Variants in TRAPPC9 observed in about 807,000 individuals in gnomAD.
TRAPPC9 encodes the protein trafficking protein particle complex subunit 9.
Under a neutral mutation model 124.0 loss-of-function variants are expected in TRAPPC9, and 83 were observed. The ratio of observed to expected loss-of-function variants is 0.67; its 90% CI spans 0.56 to 0.80. TRAPPC9 has a LOEUF of 0.80. Ranked by LOEUF, TRAPPC9 falls within the 30% of genes least tolerant of loss-of-function variation. The pLI is 0.00. For synonymous variants in TRAPPC9, 638 were observed against 617.5 expected (o/e 1.03, Z -0.49); for missense variants, 1,302 against 1,508.3 (o/e 0.86, Z 2.27).
intron 17 of TRAPPC9, among the ~76,000 whole-genome samples, chr8:140,071,463 G>A (rs1285772883): frequency 3.3e-5 from 5 of 152,318 alleles, no homozygotes; most frequent in South Asian, 2.1e-4. Flanking sequence ...GAGGAAACAC[G>A]GGCTCAAGCG....
chr8:140,266,630 G>T (rs1008963381), intron 15 of TRAPPC9, among the ~76,000 whole-genome samples: 1 of 152,022 alleles, frequency 6.6e-6, no homozygotes, highest in Non-Finnish European at 1.5e-5. Flanking sequence ...AGGCCAAGGC[G>T]GGTGGATTAC....
At chr8:140,339,805 G>A (rs150298242) in intron 9 of TRAPPC9, among the ~76,000 whole-genome samples, 1,847 of 152,208 alleles carry the variant, frequency 0.012, 34 homozygotes, top group African/African-American at 0.042. Context: ...CATCACTGAA[G>A]TCACACTTAG....
intron 2 of TRAPPC9, among the ~76,000 whole-genome samples, chr8:140,443,409 G>A (rs545687029): frequency 2.7e-5 from 4 of 150,566 alleles, no homozygotes; most frequent in African/African-American, 4.9e-5. Flanking sequence ...GCACTCCAGC[G>A]TGGGCGACAG....
chr8:139,794,398 G>A (rs991777727), intron 21 of TRAPPC9, among the ~76,000 whole-genome samples: 1 of 152,178 alleles, frequency 6.6e-6, no homozygotes, highest in South Asian at 2.1e-4. Context: ...TCCAGATGTC[G>A]CTGTCCATAG....
At chr8:140,449,966 TAAGA>T (rs1210712303) in intron 2 of TRAPPC9, among the ~76,000 whole-genome samples, 2 of 152,206 alleles carry the variant, frequency 1.3e-5, no homozygotes, top group Non-Finnish European at 2.9e-5. Flanking sequence ...TTTTTAAAAG[TAAGA>T]ATGAAACAGT....
intron 21 of TRAPPC9, among the ~76,000 whole-genome samples, chr8:139,746,184 C>T (rs993504927): frequency 6.6e-6 from 1 of 152,194 alleles, no homozygotes; most frequent in African/African-American, 2.4e-5. Flanking sequence ...CTGCCCCCTC[C>T]GTGAGGCAGT....
chr8:140,283,850 C>G, intron 14 of TRAPPC9, 39 bp downstream of exon 14: 3 of 1,613,356 alleles, frequency 1.9e-6, no homozygotes, highest in Non-Finnish European at 2.5e-6. Flanking sequence ...AAAATGATGC[C>G]TCAGAGCCAC....
chr8:140,388,956 C>CTT (rs1244741598), intron 7 of TRAPPC9, among the ~76,000 whole-genome samples: 13 of 125,362 alleles, frequency 1.0e-4, no homozygotes, highest in Admixed American at 2.5e-4. Flanking sequence ...CAAACACTGT[C>CTT]TTTTTTTTTT....
Position 139,992,348 on chromosome 8 carries a change from T to C in TRAPPC9, c.2700-3512A>G, listed in dbSNP as rs543455913. 1.1e-3 allele frequency among the ~76,000 whole-genome samples: 165 copies of C among 152,242 alleles called. 4 individuals are homozygous for C. The Middle Eastern group carries it at 0.034, about 31-fold the overall frequency. On this transcript the variant is annotated intron_variant, in intron 18 of 22. Coordinates refer to ENST00000438773, the MANE Select transcript of TRAPPC9 (RefSeq NM_001160372.4). Reference sequence around the variant, plus strand: ...GTGTTTCAAATTTTGTTTTTAGATTTTGGAATACCTGCATTATACTCACCA... The same window carrying C: ...GTGTTTCAAATTTTGTTTTTAGATTCTGGAATACCTGCATTATACTCACCA...
At position 139,825,440 on chromosome 8, in the gene TRAPPC9, T is replaced by TC. The variant is rs1472082324; in HGVS notation, c.3055+60438dup. 1.3e-5 allele frequency among the ~76,000 whole-genome samples: 2 copies of TC among 152,094 alleles called. No homozygotes were observed. Among genetic ancestry groups the TC allele is most frequent in the Non-Finnish European group, 1.5e-5 (1 of 68,002 alleles). On this transcript the variant is annotated intron_variant, in intron 21 of 22. Transcript: ENST00000438773. The surrounding 1 kb of genome is among the most constrained non-coding windows in gnomAD (Gnocchi z 4.6). ...ACGGGCTGTGGGCCCAGGAAGTGCT[T>TC]CCCGGGCGCCGGATGGATGGGCACC...
At chr8:139,798,963 G>A (rs1394053986) in intron 21 of TRAPPC9, among the ~76,000 whole-genome samples, 1 of 152,078 alleles carries the variant, frequency 6.6e-6, no homozygotes, top group Non-Finnish European at 1.5e-5. Context: ...GGAATTCCTT[G>A]GTTTGTAACC....
intron 21 of TRAPPC9, among the ~76,000 whole-genome samples, chr8:139,780,189 T>A (rs1245323959): frequency 8.5e-5 from 13 of 152,096 alleles, no homozygotes; most frequent in Non-Finnish European, 1.9e-4. Context: ...AGGTAAAAGA[T>A]CCAGAATAAC....
At chr8:140,120,819 A>ACATCCATC (rs201792498) in intron 17 of TRAPPC9, among the ~76,000 whole-genome samples, 1 of 143,580 alleles carries the variant, frequency 7.0e-6, no homozygotes, top group Non-Finnish European at 1.5e-5. Context: ...CATCCATCTA[A>ACATCCATC]CATCCATCCA....
At chr8:139,757,892 G>C (rs1819962762) in intron 21 of TRAPPC9, among the ~76,000 whole-genome samples, 1 of 152,162 alleles carries the variant, frequency 6.6e-6, no homozygotes, top group Non-Finnish European at 1.5e-5. Context: ...GCTTTCTGCT[G>C]GGCTTCCTCC....
intron 6 of TRAPPC9, among the ~76,000 whole-genome samples, chr8:140,404,744 G>A (rs1443695529): frequency 6.6e-6 from 1 of 152,030 alleles, no homozygotes; most frequent in South Asian, 2.1e-4. Flanking sequence ...GTGCACGCGT[G>A]AGCATGTGTG....
chr8:140,349,105 G>T (rs950355770), intron 9 of TRAPPC9, among the ~76,000 whole-genome samples: 1 of 133,206 alleles, frequency 7.5e-6, no homozygotes, highest in South Asian at 2.9e-4. Context: ...AGGGCAAGCG[G>T]GGGGGCTGAA....
intron 18 of TRAPPC9, among the ~76,000 whole-genome samples, chr8:140,010,912 GTATC>G (rs1426896395): frequency 6.6e-6 from 1 of 152,156 alleles, no homozygotes; most frequent in African/African-American, 2.4e-5. Flanking sequence ...ACATTATGGG[GTATC>G]TATCGGACAG....
At chr8:139,941,892 G>A (rs1043761268) in intron 19 of TRAPPC9, among the ~76,000 whole-genome samples, 1 of 152,208 alleles carries the variant, frequency 6.6e-6, no homozygotes, top group African/African-American at 2.4e-5. Flanking sequence ...GGGAGACAGT[G>A]CCAGAGCATA....
chr8:140,233,233 C>G (rs1253760493), intron 16 of TRAPPC9, among the ~76,000 whole-genome samples: 1 of 150,804 alleles, frequency 6.6e-6, no homozygotes, highest in African/African-American at 2.4e-5. Context: ...GAGACGGAGT[C>G]TCACTCTGTC....
Sources: allele counts gnomAD v4.1 joint callset (sites outside exome capture counted in the v4.1 genomes callset), GRCh38; gene constraint gnomAD v4.1.1; non-coding constraint Gnocchi (gnomAD v3.1); transcripts MANE v1.5; gene names NCBI Gene and HGNC (gene_info 2026-07-23, HGNC 2026-07-21).